SUGCT: variants seen among roughly 807,000 people sequenced by gnomAD.
The protein encoded by SUGCT is succinyl-CoA:glutarate CoA-transferase.
In SUGCT, 41 loss-of-function variants were observed where a neutral mutation model predicts 55.0. That is an observed-to-expected ratio of 0.74 (90% confidence interval 0.58 to 0.97). SUGCT has a LOEUF of 0.97. Ranked by LOEUF, SUGCT falls within the 50% of genes least tolerant of loss-of-function variation. SUGCT has a pLI of 0.00. For synonymous variants in SUGCT, 187 were observed against 200.4 expected, an observed-to-expected ratio of 0.93 and a Z score of 0.56; for missense variants, 568 against 547.8, an observed-to-expected ratio of 1.04 and a Z score of -0.37.
intron 12 of SUGCT, among the ~76,000 whole-genome samples, chr7:40,598,898 A>T (rs1798157459): frequency 6.6e-6 from 1 of 152,204 alleles, no homozygotes; most frequent in African/African-American, 2.4e-5. Flanking sequence ...TTAGACCGTC[A>T]AAATACTGAC....
At chr7:40,824,788 G>A (rs1792230547) in intron 13 of SUGCT, among the ~76,000 whole-genome samples, 1 of 152,188 alleles carries the variant, frequency 6.6e-6, no homozygotes, top group Non-Finnish European at 1.5e-5. Context: ...AAAAGTGAGA[G>A]CAAGAAAAAG....
the SUGCT span, among the ~76,000 whole-genome samples, chr7:40,963,111 T>C: frequency 6.6e-6 from 1 of 152,222 alleles, no homozygotes; most frequent in African/African-American, 2.4e-5. Flanking sequence ...CCAAGTTATA[T>C]CATTTCAAAA....
the SUGCT span, among the ~76,000 whole-genome samples, chr7:40,929,258 C>G: frequency 6.6e-6 from 1 of 152,070 alleles, no homozygotes; most frequent in Non-Finnish European, 1.5e-5. Context: ...TGAACTCATT[C>G]TTTTTTATGG....
At chr7:40,299,749 A>G (rs1584618178) in intron 8 of SUGCT, among the ~76,000 whole-genome samples, 1 of 152,282 alleles carries the variant, frequency 6.6e-6, no homozygotes, top group Admixed American at 6.5e-5. Flanking sequence ...TTAGAAATCA[A>G]TTTTGCTATT....
intron 13 of SUGCT, among the ~76,000 whole-genome samples, chr7:40,756,835 G>A (rs1447557992): frequency 1.3e-5 from 2 of 152,164 alleles, no homozygotes; most frequent in African/African-American, 4.8e-5. Context: ...GTTGTGCGTA[G>A]TGCATAATCT....
chr7:40,238,611 A>T (rs748194615), intron 7 of SUGCT, among the ~76,000 whole-genome samples: 11 of 151,922 alleles, frequency 7.2e-5, no homozygotes, highest in Non-Finnish European at 1.5e-4. Context: ...AGACAGAGTG[A>T]CCTCAAGTCT....
At chr7:40,471,382 G>T (rs907772915) in intron 11 of SUGCT, among the ~76,000 whole-genome samples, 3 of 151,622 alleles carry the variant, frequency 2.0e-5, no homozygotes, top group Non-Finnish European at 4.4e-5. Context: ...ATTTTAAACT[G>T]TATATAAGTT....
chr7:40,378,524 G>A (rs1283170896), intron 9 of SUGCT, among the ~76,000 whole-genome samples: 1 of 152,142 alleles, frequency 6.6e-6, no homozygotes, highest in Non-Finnish European at 1.5e-5. Context: ...CTAGGCTGGA[G>A]TGCAGTGGCA....
chr7:40,568,441 T>C (rs1796263821), intron 12 of SUGCT, among the ~76,000 whole-genome samples: 1 of 152,208 alleles, frequency 6.6e-6, no homozygotes, highest in South Asian at 2.1e-4. Flanking sequence ...AAGATCTTTC[T>C]CAAACAAAAC....
chr7:40,784,253 A>G (rs978219255), intron 13 of SUGCT, among the ~76,000 whole-genome samples: 2 of 152,082 alleles, frequency 1.3e-5, no homozygotes, highest in African/African-American at 4.8e-5. Flanking sequence ...TAGCTTTATC[A>G]AAACTTAGTT....
At chr7:40,541,218 TCACTAA>T (rs143878677) in intron 12 of SUGCT, among the ~76,000 whole-genome samples, 13,722 of 152,130 alleles carry the variant, frequency 0.09, 644 homozygotes, top group Middle Eastern at 0.11. Flanking sequence ...TAATAAGATG[TCACTAA>T]AGTGACAATA....
intron 9 of SUGCT, among the ~76,000 whole-genome samples, chr7:40,429,717 C>T (rs1261930041): frequency 6.6e-6 from 1 of 152,156 alleles, no homozygotes; most frequent in Admixed American, 6.5e-5. Context: ...GTGGGTCTGC[C>T]TCTCCTAGCC....
At chr7:40,521,530 A>G (rs1057370163) in intron 12 of SUGCT, among the ~76,000 whole-genome samples, 8 of 152,134 alleles carry the variant, frequency 5.3e-5, no homozygotes, top group Admixed American at 5.2e-4. Context: ...GTCTTGGCTG[A>G]TGTTAGGAGA....
At chr7:40,506,975 G>A (rs1464162024) in intron 12 of SUGCT, among the ~76,000 whole-genome samples, 2 of 151,954 alleles carry the variant, frequency 1.3e-5, no homozygotes, top group African/African-American at 2.4e-5. Flanking sequence ...TTTAGGCATG[G>A]TTTTCTTTTG....
intron 13 of SUGCT, among the ~76,000 whole-genome samples, chr7:40,761,904 G>A (rs1047960486): frequency 4.6e-5 from 7 of 152,256 alleles, no homozygotes; most frequent in East Asian, 1.9e-4. Context: ...CAATGTTCCC[G>A]GGGAGCGTCA....
At chr7:40,375,951 A>G (rs928371976) in intron 9 of SUGCT, among the ~76,000 whole-genome samples, 2 of 152,174 alleles carry the variant, frequency 1.3e-5, no homozygotes, top group Admixed American at 1.3e-4. Context: ...TTCATGAGAA[A>G]GTGTACCACA....
intron 8 of SUGCT, among the ~76,000 whole-genome samples, chr7:40,310,530 T>A (rs1416938862): frequency 6.6e-6 from 1 of 152,198 alleles, no homozygotes; most frequent in Non-Finnish European, 1.5e-5. Flanking sequence ...GCTCTGTAAT[T>A]GTTAAGAAGG....
intron 12 of SUGCT, among the ~76,000 whole-genome samples, chr7:40,638,922 C>T (rs549534980): frequency 2.6e-5 from 4 of 152,186 alleles, no homozygotes; most frequent in Non-Finnish European, 5.9e-5. Context: ...TCCAGTACCT[C>T]TAATCTAATT....
At chr7:40,372,530 C>G (rs1268509333) in intron 9 of SUGCT, among the ~76,000 whole-genome samples, 1 of 151,924 alleles carries the variant, frequency 6.6e-6, no homozygotes, top group South Asian at 2.1e-4. Flanking sequence ...AGAGAAATAT[C>G]TTCTGTAGTT....
Sources: gnomAD v4.1 joint callset for allele counts (sites outside exome capture counted in the v4.1 genomes callset) on GRCh38, gnomAD v4.1.1 for gene constraint, MANE v1.5 for transcripts, NCBI Gene and HGNC (gene_info 2026-07-23, HGNC 2026-07-21) for gene names.